ZNF624: variants seen among roughly 807,000 people sequenced by gnomAD.
ZNF624 encodes zinc finger protein 624.
Under a neutral mutation model 74.7 loss-of-function variants are expected in ZNF624, and 43 were observed. That is an observed-to-expected ratio of 0.58 (90% CI 0.45 to 0.74). The LOEUF (loss-of-function observed/expected upper bound fraction) is 0.74, where lower values mean the gene tolerates loss of function less well. Ranked by LOEUF, ZNF624 falls within the 30% of genes least tolerant of loss-of-function variation. ZNF624 has a pLI of 0.00. For missense variants in ZNF624, 820 were observed against 1,030.0 expected (o/e 0.80, Z 2.79); for synonymous variants, 331 against 341.3 (o/e 0.97, Z 0.33).
intron 5 of ZNF624, among the ~76,000 whole-genome samples, chr17:16,629,315 G>A (rs947613450): frequency 7.1e-6 from 1 of 141,842 alleles, no homozygotes; most frequent in Non-Finnish European, 1.5e-5. Flanking sequence ...GTGCCACAAC[G>A]CCCGGCTAAT....
At chr17:16,652,948 G>T (rs1038046794) in intron 1 of ZNF624, among the ~76,000 whole-genome samples, 2 of 152,218 alleles carry the variant, frequency 1.3e-5, no homozygotes, top group Admixed American at 6.5e-5. Context: ...TCATTATGCA[G>T]AAGATATCTA....
In ZNF624 at chr17:16,624,419, G is replaced by A. The variant is rs2142572239; in HGVS notation, c.467C>T (p.Thr156Ile). 3 of 1,613,176 alleles carry A rather than the reference G, an allele frequency of 1.9e-6. No individual in the cohort carries two copies. The highest frequency in any genetic ancestry group is 2.5e-6 in the Non-Finnish European group (3 of 1,179,782). Residue 156 changes from threonine (T) to isoleucine (I), a missense_variant, in exon 6 of 6, where the codon ACA becomes ATA. Coordinates refer to ENST00000311331, the MANE Select transcript of ZNF624 (RefSeq NM_020787.4). ...LSQEAILEKL[T>I]ENGLWDSRME... ...TCTGGAATCCCACAGACCATTCTCT[G>A]TAAGTTTCTCTAGTATGGCCTCCTG...
At chr17:16,615,952 T>TATACATAC (rs1469550359), downstream of ZNF624, among the ~76,000 whole-genome samples, 1 of 100,748 alleles carries the variant, frequency 9.9e-6, no homozygotes, top group East Asian at 3.0e-4. Flanking sequence ...ATCTATTCCA[T>TATACATAC]ATACATATAT....
Position 16,623,599 on chromosome 17 carries a change from T to C in ZNF624, c.1287A>G (p.Ser429=), listed in dbSNP as rs1216040168. The C allele has an allele frequency of 6.2e-7, 1 of 1,612,112 alleles. No homozygotes were observed. The highest frequency in any genetic ancestry group is 2.2e-5 in the East Asian group (1 of 44,864). The part of the protein sequence containing the change: ...DDCGKAFRNK[S]YLSVHQKTHT... Reference sequence around the variant, plus strand: ...GGGTCTTCTGATGTACACTAAGATATGACTTGTTCCTAAAGGCTTTCCCAC... The same window carrying C: ...GGGTCTTCTGATGTACACTAAGATACGACTTGTTCCTAAAGGCTTTCCCAC... The change falls in exon 6 of 6, where the codon TCA becomes TCG. Residue 429 remains serine, a synonymous_variant. Transcript: ENST00000311331. The surrounding 1 kb of genome is among the most constrained non-coding windows in gnomAD (Gnocchi z 5.3).
At chr17:16,644,011 A>G (rs116203644) in intron 3 of ZNF624, among the ~76,000 whole-genome samples, 177 of 152,192 alleles carry the variant, frequency 1.2e-3, no homozygotes, top group African/African-American at 4.1e-3. Context: ...TCCCTCTATT[A>G]TTAGTAGTTC....
intron 5 of ZNF624, among the ~76,000 whole-genome samples, chr17:16,626,151 A>G (rs182489726): frequency 1.3e-4 from 20 of 152,206 alleles, no homozygotes; most frequent in African/African-American, 4.8e-4. Context: ...GCATTTTGCT[A>G]TGTTGGCCAG....
chr17:16,652,566 TTTTA>T (rs1909752022), intron 1 of ZNF624, among the ~76,000 whole-genome samples: 1 of 152,250 alleles, frequency 6.6e-6, no homozygotes, highest in Non-Finnish European at 1.5e-5. Flanking sequence ...AAATCCCTTG[TTTTA>T]TTTTATAATT....
At chr17:16,616,947 G>T, downstream of ZNF624, 2 of 1,578,812 alleles carry the variant, frequency 1.3e-6, no homozygotes, top group East Asian at 2.2e-5. Context: ...ACACAGAGCG[G>T]GCCTTTCAGG....
Position 16,622,390 on chromosome 17 carries a change from T to C in ZNF624, c.2496A>G (p.Gly832=), listed in dbSNP as rs758125555. ...DFTVHLRMHT[G]EKPYKCNECG... ...ATTCATTACATTTATAGGGTTTTTCTCCAGTATGCATCCTCAAGTGTACAG... is the reference window on the plus strand; with the variant it reads ...ATTCATTACATTTATAGGGTTTTTCCCCAGTATGCATCCTCAAGTGTACAG... The change falls in exon 6 of 6, where the codon GGA becomes GGG. Residue 832 remains glycine (G), a synonymous_variant. Coordinates refer to ENST00000311331, the MANE Select transcript of ZNF624 (RefSeq NM_020787.4). 2 of 1,613,970 alleles carry C rather than the reference T, an allele frequency of 1.2e-6. No homozygotes were observed. The highest frequency in any genetic ancestry group is 2.2e-5 in the South Asian group (2 of 91,072).
downstream of ZNF624, among the ~76,000 whole-genome samples, chr17:16,620,202 C>CT (rs1908873592): frequency 6.6e-6 from 1 of 152,142 alleles, no homozygotes; most frequent in Admixed American, 6.5e-5. Flanking sequence ...GGTCTTTGGT[C>CT]TGTTAGGGCC....
intron 5 of ZNF624, among the ~76,000 whole-genome samples, chr17:16,629,465 G>T (rs1359345328): frequency 1.3e-5 from 2 of 152,034 alleles, no homozygotes; most frequent in Non-Finnish European, 2.9e-5. Flanking sequence ...GCAACAATTA[G>T]ATCAGAGGTT....
chr17:16,624,198 T>C lies in ZNF624; in HGVS notation c.688A>G (p.Asn230Asp), dbSNP rs751370386. 3 of 1,614,198 alleles carry C rather than the reference T, an allele frequency of 1.9e-6. No individual in the cohort carries two copies. The highest frequency in any genetic ancestry group is 2.2e-5 in the East Asian group (1 of 44,870). The change falls in exon 6 of 6, where the codon AAT becomes GAT. Residue 230 changes from asparagine to aspartate, a missense_variant. Asn to Asp is a conservative substitution (Grantham distance 23). Coordinates refer to ENST00000311331, the MANE Select transcript of ZNF624 (RefSeq NM_020787.4). ...ATCAAATTTAAATTCTCTGTGAAAT[T>C]TTCCTCTTGTGTTTGGCATCTGCTG... ...LHSRCQTQEE[N>D]FTENLNLITD...
chr17:16,636,848 A>G (rs1597495391), intron 3 of ZNF624, among the ~76,000 whole-genome samples: 1 of 152,082 alleles, frequency 6.6e-6, no homozygotes, highest in Admixed American at 6.5e-5. Context: ...AAAAAAAAAA[A>G]ATCAAAATCT....
chr17:16,628,453 A>G (rs572788461), intron 5 of ZNF624, among the ~76,000 whole-genome samples: 56 of 152,356 alleles, frequency 3.7e-4, no homozygotes, highest in African/African-American at 1.3e-3. Context: ...AAAGATTTGT[A>G]AAGTATAAAA....
chr17:16,622,550 G>A lies in ZNF624; in HGVS notation c.2336C>T (p.Pro779Leu), dbSNP rs1378316568. ...CTTTCCACATTCCTTACAGGTGTAG[G>A]GTTTTTCTCCAGTGTGTGTTCTCCA... Reference protein sequence around the residue: ...VHWRTHTGEKPYTCKECGKGC... With the variant: ...VHWRTHTGEKLYTCKECGKGC... Residue 779 changes from proline to leucine, a missense_variant, in exon 6 of 6, where the codon CCC becomes CTC. Transcript: ENST00000311331. The A allele has an allele frequency of 1.2e-6, 2 of 1,613,666 alleles. No homozygotes were observed. Among genetic ancestry groups the A allele is most frequent in the African/African-American group, 1.3e-5 (1 of 74,826 alleles).
intron 3 of ZNF624, among the ~76,000 whole-genome samples, chr17:16,645,338 T>G (rs1909563056): frequency 6.6e-6 from 1 of 152,060 alleles, no homozygotes; most frequent in South Asian, 2.1e-4. Context: ...GGGAGGCTTT[T>G]AAAGGCTTAT....
chr17:16,638,775 G>GC, intron 3 of ZNF624, among the ~76,000 whole-genome samples: 1 of 152,116 alleles, frequency 6.6e-6, no homozygotes, highest in Admixed American at 6.5e-5. Flanking sequence ...CTTAATGGGT[G>GC]CAGCACACCA....
chr17:16,623,801 C>T lies in ZNF624; in HGVS notation c.1085G>A (p.Cys362Tyr). 1 of 1,614,062 alleles carries T rather than the reference C, an allele frequency of 6.2e-7. No homozygotes were observed. The change falls in exon 6 of 6, where the codon TGT becomes TAT. Residue 362 changes from cysteine (C) to tyrosine (Y), a missense_variant. Cys to Tyr is a radical substitution (Grantham distance 194, BLOSUM62 -2). Coordinates refer to ENST00000311331, the MANE Select transcript of ZNF624 (RefSeq NM_020787.4). This position sits in a 1 kb window ranked among gnomAD's most constrained non-coding sequence, Gnocchi z 5.3. Reference protein sequence around the residue: ...RIHTKEKPYQCNVCGKSFSQC... With the variant: ...RIHTKEKPYQYNVCGKSFSQC... ...GCTAAAAGATTTCCCACACACATTACACTGATAAGGTTTCTCTTTAGTGTG... is the reference window on the plus strand; with the variant it reads ...GCTAAAAGATTTCCCACACACATTATACTGATAAGGTTTCTCTTTAGTGTG...
intron 3 of ZNF624, among the ~76,000 whole-genome samples, chr17:16,638,006 C>T (rs1229004686): frequency 2.0e-5 from 3 of 151,878 alleles, no homozygotes; most frequent in Non-Finnish European, 4.4e-5. Flanking sequence ...ACAATGAACT[C>T]AAACAAATTT....
Sources: gnomAD v4.1 joint callset for allele counts (sites outside exome capture counted in the v4.1 genomes callset) on GRCh38, gnomAD v4.1.1 for gene constraint, Gnocchi (gnomAD v3.1) non-coding constraint, MANE v1.5 for transcripts, NCBI Gene and HGNC (gene_info 2026-07-23, HGNC 2026-07-21) for gene names.